FRMD4A: variants seen among roughly 807,000 people sequenced by gnomAD.
The protein encoded by FRMD4A is FERM domain containing 4A.
Under a neutral mutation model 129.1 loss-of-function variants are expected in FRMD4A, and 29 were observed. The ratio of observed to expected loss-of-function variants is 0.22; its 90% CI spans 0.17 to 0.31. The LOEUF is 0.31. Among genes scored for constraint, FRMD4A ranks in the 10% least tolerant of loss-of-function variants. The pLI is 1.00. For synonymous variants in FRMD4A, 634 were observed against 571.6 expected, an observed-to-expected ratio of 1.11 and a Z score of -1.56; for missense variants, 1,272 against 1,375.8, an observed-to-expected ratio of 0.92 and a Z score of 1.19.
chr10:14,231,279 T>A (rs187601095), intron 2 of FRMD4A, among the ~76,000 whole-genome samples: 2 of 152,218 alleles, frequency 1.3e-5, no homozygotes, highest in African/African-American at 4.8e-5. Flanking sequence ...AGCCTCACCA[T>A]CATCTGTTGT....
At chr10:13,769,069 CA>C (rs926757850) in intron 6 of FRMD4A, among the ~76,000 whole-genome samples, 17 of 146,874 alleles carry the variant, frequency 1.2e-4, no homozygotes, top group African/African-American at 4.3e-4. Flanking sequence ...CGGCTCACTG[CA>C]AGCTCTGCCT....
intron 2 of FRMD4A, among the ~76,000 whole-genome samples, chr10:14,192,920 T>C (rs1264162821): frequency 6.6e-6 from 1 of 152,244 alleles, no homozygotes; most frequent in African/African-American, 2.4e-5. Context: ...GCTGTGTACA[T>C]AGCAATATGA....
At chr10:14,075,042 A>ATTC (rs1285686421) in intron 2 of FRMD4A, among the ~76,000 whole-genome samples, 1 of 152,238 alleles carries the variant, frequency 6.6e-6, no homozygotes. Flanking sequence ...GAATTAAAAA[A>ATTC]GCAAGCAAAC....
chr10:14,295,951 C>A (rs970438950), intron 2 of FRMD4A, among the ~76,000 whole-genome samples: 2 of 152,134 alleles, frequency 1.3e-5, no homozygotes, highest in Non-Finnish European at 2.9e-5. Flanking sequence ...AATGCCATGA[C>A]ATGTTATGAC....
chr10:13,784,990 C>CAAAAAAAA (rs35375065), intron 5 of FRMD4A, among the ~76,000 whole-genome samples: 1 of 98,436 alleles, frequency 1.0e-5, no homozygotes, highest in Non-Finnish European at 2.1e-5. Flanking sequence ...GACTCTATCT[C>CAAAAAAAA]AAAAAAAAAA....
At chr10:13,815,318 TG>T (rs1321346175) in intron 3 of FRMD4A, among the ~76,000 whole-genome samples, 1 of 152,148 alleles carries the variant, frequency 6.6e-6, no homozygotes, top group African/African-American at 2.4e-5. Context: ...AGACAAATAT[TG>T]TATGATTGCA....
chr10:13,860,091 T>C (rs2094273089), intron 2 of FRMD4A, among the ~76,000 whole-genome samples: 1 of 152,232 alleles, frequency 6.6e-6, no homozygotes, highest in Non-Finnish European at 1.5e-5. Flanking sequence ...GGAAATCCTT[T>C]GAAGAACAAG....
At chr10:14,187,290 C>T (rs147580426) in intron 2 of FRMD4A, among the ~76,000 whole-genome samples, 370 of 152,314 alleles carry the variant, frequency 2.4e-3, no homozygotes, top group Non-Finnish European at 3.9e-3. Flanking sequence ...TAGGATATTA[C>T]AGTCAAATTG....
At chr10:13,941,036 A>G (rs1261662609) in intron 2 of FRMD4A, among the ~76,000 whole-genome samples, 2 of 152,200 alleles carry the variant, frequency 1.3e-5, no homozygotes, top group Non-Finnish European at 2.9e-5. Flanking sequence ...TTGAAATCCT[A>G]GTATCCGAGA....
chr10:13,674,627 T>G (rs1172410331), intron 16 of FRMD4A, among the ~76,000 whole-genome samples: 1 of 152,252 alleles, frequency 6.6e-6, no homozygotes, highest in Non-Finnish European at 1.5e-5. Context: ...TATCACATAG[T>G]GCATTTCCCA....
At chr10:13,887,190 A>G (rs865895250) in intron 2 of FRMD4A, among the ~76,000 whole-genome samples, 2 of 152,140 alleles carry the variant, frequency 1.3e-5, no homozygotes, top group African/African-American at 2.4e-5. Flanking sequence ...TTTTGATTTG[A>G]CTCAAACTGA....
intron 2 of FRMD4A, among the ~76,000 whole-genome samples, chr10:14,184,449 AT>A (rs1397170257): frequency 4.0e-5 from 6 of 151,030 alleles, no homozygotes; most frequent in Non-Finnish European, 8.8e-5. Flanking sequence ...AATCTCAGTT[AT>A]TTATCTAGCT....
chr10:13,747,798 G>A lies in FRMD4A; in HGVS notation c.486C>T (p.Asp162=). The stretch of plus-strand genomic sequence containing the variant: ...TGGGAAGGGCTGGCAGCTTCTTCAA[G>A]TCACTCCTCACAACTTCATTGCTGA... ...DFSSNEVVRS[D]LKKLPALPTQ... The change falls in exon 9 of 25, where the codon GAC becomes GAT. Residue 162 remains aspartate (D), a synonymous_variant. Transcript: ENST00000357447. The A allele has an allele frequency of 6.2e-7, 1 of 1,600,154 alleles. No individual in the cohort carries two copies. The highest frequency in any genetic ancestry group is 8.6e-7 in the Non-Finnish European group (1 of 1,167,522).
chr10:14,330,198 G>A lies in FRMD4A; in HGVS notation c.-81-15C>T. ...TCCAAAAGCACCTGCAGAAAAAGCAGCCAAAATCCAGACTTAGGGAGCAAA... is the reference window on the plus strand; with the variant it reads ...TCCAAAAGCACCTGCAGAAAAAGCAACCAAAATCCAGACTTAGGGAGCAAA... On this transcript the variant is annotated splice_polypyrimidine_tract_variant and intron_variant, in intron 1 of 24. Transcript: ENST00000357447. 1.5e-6 allele frequency: 2 copies of A among 1,306,592 alleles called. No homozygotes were observed. The highest frequency in any genetic ancestry group is 2.5e-5 in the South Asian group (2 of 79,228). The allele number at this position is 1,306,592 out of a possible 1,614,324, so 80.9% of individuals were successfully genotyped here.
intron 2 of FRMD4A, among the ~76,000 whole-genome samples, chr10:14,202,399 TTTAC>T (rs1363433570): frequency 6.6e-6 from 1 of 152,148 alleles, no homozygotes; most frequent in Non-Finnish European, 1.5e-5. Flanking sequence ...TATTTATTTA[TTTAC>T]TTATTTATTT....
chr10:14,312,172 A>G (rs984503819), intron 2 of FRMD4A, among the ~76,000 whole-genome samples: 1 of 152,222 alleles, frequency 6.6e-6, no homozygotes, highest in Non-Finnish European at 1.5e-5. Flanking sequence ...GATTCTTGGG[A>G]TACAAAATTA....
intron 2 of FRMD4A, among the ~76,000 whole-genome samples, chr10:14,191,080 G>A (rs545850543): frequency 6.6e-6 from 1 of 152,210 alleles, no homozygotes; most frequent in African/African-American, 2.4e-5. Context: ...CGCAGTGAGA[G>A]GTTTCTTGTC....
At chr10:13,841,951 A>G (rs7088464) in intron 3 of FRMD4A, among the ~76,000 whole-genome samples, 43,809 of 152,100 alleles carry the variant, frequency 0.29, 6,614 homozygotes, top group Middle Eastern at 0.43. Context: ...TGAAATCTGC[A>G]TTAATTCCAG....
intron 2 of FRMD4A, among the ~76,000 whole-genome samples, chr10:14,085,882 G>C (rs1366081191): frequency 1.3e-5 from 2 of 152,078 alleles, no homozygotes; most frequent in Admixed American, 1.3e-4. Context: ...CTTTTTTCTG[G>C]ACTGCGGCAG....
Sources: allele counts gnomAD v4.1 joint callset (sites outside exome capture counted in the v4.1 genomes callset), GRCh38; gene constraint gnomAD v4.1.1; transcripts MANE v1.5; gene names NCBI Gene and HGNC (gene_info 2026-07-23, HGNC 2026-07-21).